CCDC178: variants seen among roughly 807,000 people sequenced by gnomAD.
The protein encoded by CCDC178 is coiled-coil domain-containing protein 178.
A neutral mutation model predicts 117.4 loss-of-function variants in CCDC178; 126 were observed. The observed-to-expected ratio is 1.07, with a 90% CI of 0.93 to 1.24. The LOEUF (loss-of-function observed/expected upper bound fraction) is 1.24. CCDC178 is among the 50% of genes most tolerant of loss of function. The pLI is 0.00. For synonymous variants in CCDC178, 283 were observed against 313.4 expected (o/e 0.90, Z 1.02); for missense variants, 1,030 against 986.9 (o/e 1.04, Z -0.59).
At chr18:33,282,548 C>T (rs72953131) in intron 12 of CCDC178, among the ~76,000 whole-genome samples, 10,451 of 152,182 alleles carry the variant, frequency 0.069, 552 homozygotes, top group African/African-American at 0.14. Context: ...GGGGCCCACA[C>T]CATAGCTTCT....
intron 21 of CCDC178, among the ~76,000 whole-genome samples, chr18:33,080,046 T>C (rs997304459): frequency 2.6e-5 from 4 of 152,010 alleles, no homozygotes; most frequent in East Asian, 1.9e-4. Context: ...CAAGGACAGA[T>C]TGGATAAAGA....
At chr18:33,107,835 C>T (rs955235954) in intron 20 of CCDC178, among the ~76,000 whole-genome samples, 1 of 151,630 alleles carries the variant, frequency 6.6e-6, no homozygotes, top group Non-Finnish European at 1.5e-5. Flanking sequence ...CCTGAAAGTA[C>T]ACTATCATAA....
At chr18:33,263,965 A>G (rs2059783252) in intron 14 of CCDC178, among the ~76,000 whole-genome samples, 1 of 152,124 alleles carries the variant, frequency 6.6e-6, no homozygotes, top group Admixed American at 6.5e-5. Flanking sequence ...CATGAGCTAG[A>G]AGAATAAGAA....
intron 22 of CCDC178, chr18:32,954,218 C>A (rs1256407735): frequency 6.6e-6 from 1 of 152,006 alleles, no homozygotes; most frequent in African/African-American, 2.4e-5. Flanking sequence ...CTCAGGTAAT[C>A]CTTTGATAGA....
chr18:33,128,107 G>T (rs541321384), intron 20 of CCDC178, among the ~76,000 whole-genome samples: 10 of 152,236 alleles, frequency 6.6e-5, no homozygotes, highest in Admixed American at 1.3e-4. Context: ...TCAATTTCTG[G>T]CAATGAGCAG....
In CCDC178 at chr18:32,937,891, A is replaced by G; in HGVS notation, c.*120T>C. ...GGCAAAGCATGCTGGGAGGTGAGTG[A>G]GTTTTTCGTTCATGGAAGTGTGAAA... On this transcript the variant is annotated 3_prime_UTR_variant, in exon 23 of 23. Transcript: ENST00000383096. 2 of 716,464 alleles carry G rather than the reference A, an allele frequency of 2.8e-6. No individual in the cohort carries two copies. Among genetic ancestry groups the G allele is most frequent in the Non-Finnish European group, 4.9e-6 (2 of 406,366 alleles). The allele number at this position is 716,464 out of a possible 1,614,324, so 44.4% of individuals were successfully genotyped here. A position where few individuals can be genotyped will look rare whatever the true frequency, so the allele number is the denominator to read the frequency against.
chr18:33,199,533 C>T (rs1200762870), intron 20 of CCDC178, among the ~76,000 whole-genome samples: 4 of 152,146 alleles, frequency 2.6e-5, no homozygotes, highest in African/African-American at 4.8e-5. Flanking sequence ...TTACACATTC[C>T]ATTAACCATT....
At chr18:33,194,746 A>G (rs1207782395) in intron 20 of CCDC178, among the ~76,000 whole-genome samples, 1 of 151,872 alleles carries the variant, frequency 6.6e-6, no homozygotes, top group African/African-American at 2.4e-5. Context: ...TTTTTCTGTG[A>G]TATTTGGCTA....
chr18:33,408,670 A>G (rs1209528363), intron 3 of CCDC178, among the ~76,000 whole-genome samples: 1 of 152,170 alleles, frequency 6.6e-6, no homozygotes, highest in Non-Finnish European at 1.5e-5. Context: ...TTACACATGC[A>G]AAGTATTTTC....
At chr18:33,025,373 G>A (rs1046694834) in intron 21 of CCDC178, among the ~76,000 whole-genome samples, 1 of 152,054 alleles carries the variant, frequency 6.6e-6, no homozygotes, top group African/African-American at 2.4e-5. Flanking sequence ...AAAACATAAT[G>A]TATAGAAGGA....
At chr18:33,019,916 T>C (rs1427880923) in intron 21 of CCDC178, among the ~76,000 whole-genome samples, 1 of 354 alleles carries the variant, frequency 2.8e-3, no homozygotes, top group Non-Finnish European at 6.1e-3. Context: ...AACTGAGATA[T>C]TATTATTATT....
chr18:33,235,254 A>T (rs2059414103), intron 15 of CCDC178, among the ~76,000 whole-genome samples: 1 of 152,158 alleles, frequency 6.6e-6, no homozygotes, highest in African/African-American at 2.4e-5. Context: ...TAAGGACTTG[A>T]CACACTGTCT....
At chr18:33,200,130 C>A (rs185221424) in intron 20 of CCDC178, among the ~76,000 whole-genome samples, 56 of 152,266 alleles carry the variant, frequency 3.7e-4, no homozygotes, top group African/African-American at 1.3e-3. Flanking sequence ...CATCAAATAT[C>A]GTTTTTCTGT....
chr18:33,343,203 G>A (rs2062839684), intron 9 of CCDC178, among the ~76,000 whole-genome samples: 2 of 152,042 alleles, frequency 1.3e-5, no homozygotes, highest in African/African-American at 2.4e-5. Context: ...ATAGAAGCAG[G>A]TACGATGGGA....
At chr18:33,115,886 C>T (rs1218152441) in intron 20 of CCDC178, among the ~76,000 whole-genome samples, 1 of 152,076 alleles carries the variant, frequency 6.6e-6, no homozygotes, top group Non-Finnish European at 1.5e-5. Flanking sequence ...TTACAGTATA[C>T]ATGATGACTC....
At chr18:33,262,144 T>C (rs1753883988) in intron 14 of CCDC178, among the ~76,000 whole-genome samples, 1 of 152,162 alleles carries the variant, frequency 6.6e-6, no homozygotes, top group South Asian at 2.1e-4. Context: ...TTATAATTTT[T>C]CCACAAAAGT....
intron 21 of CCDC178, among the ~76,000 whole-genome samples, chr18:32,982,984 T>C (rs568964999): frequency 3.3e-5 from 5 of 152,126 alleles, no homozygotes; most frequent in African/African-American, 1.2e-4. Flanking sequence ...TGTGTCAATA[T>C]AGGTTCATCA....
intron 22 of CCDC178, among the ~76,000 whole-genome samples, chr18:32,960,404 G>A (rs1000082691): frequency 6.6e-6 from 1 of 152,048 alleles, no homozygotes; most frequent in African/African-American, 2.4e-5. Flanking sequence ...AGACTAGATG[G>A]GGAAGAAGGA....
intron 20 of CCDC178, among the ~76,000 whole-genome samples, chr18:33,181,603 C>G (rs1276817716): frequency 6.6e-6 from 1 of 151,856 alleles, no homozygotes; most frequent in Non-Finnish European, 1.5e-5. Context: ...ATTGTTCCCA[C>G]TTTTGTACTG....
Sources: gnomAD v4.1 joint callset for allele counts (sites outside exome capture counted in the v4.1 genomes callset) on GRCh38, gnomAD v4.1.1 for gene constraint, MANE v1.5 for transcripts, NCBI Gene and HGNC (gene_info 2026-07-23, HGNC 2026-07-21) for gene names.